Variants in EXT2 observed in about 807,000 individuals in gnomAD.
EXT2 encodes exostosin-2.
A neutral mutation model predicts 81.6 loss-of-function variants in EXT2; 53 were observed. That is an observed-to-expected ratio of 0.65 (90% confidence interval 0.52 to 0.82). The LOEUF is 0.82. EXT2 is among the 40% of genes least tolerant of loss of function. EXT2 has a pLI of 0.00. For synonymous variants in EXT2, 320 were observed against 340.0 expected (o/e 0.94, Z 0.65); for missense variants, 774 against 910.2 (o/e 0.85, Z 1.93).
chr11:44,151,467 A>C (rs1224536711), intron 7 of EXT2, among the ~76,000 whole-genome samples: 1 of 152,116 alleles, frequency 6.6e-6, no homozygotes, highest in Non-Finnish European at 1.5e-5. Context: ...TATAGTTGAA[A>C]TTATATAGTA....
chr11:44,228,538 C>T (rs924537180), intron 10 of EXT2, among the ~76,000 whole-genome samples: 6 of 152,192 alleles, frequency 3.9e-5, no homozygotes, highest in African/African-American at 1.4e-4. Context: ...TTCTGTTTCA[C>T]TCCGTTTTGA....
chr11:44,098,479 G>A (rs546691672), intron 1 of EXT2, among the ~76,000 whole-genome samples: 1 of 152,098 alleles, frequency 6.6e-6, no homozygotes, highest in Admixed American at 6.5e-5. Context: ...GATTACCTGA[G>A]GTCAGGAGTT....
At position 44,250,284 on chromosome 11, in the gene EXT2, CT is replaced by C. The variant is rs1341169233; in HGVS notation, c.*5999del. ...TAAATGAGGATTCCATTAACCCCAT[CT>C]TCTCCAATGTATGGAGGATGCAAGA... On this transcript the variant is annotated 3_prime_UTR_variant, in exon 14 of 14. Coordinates refer to ENST00000533608, the MANE Select transcript of EXT2 (RefSeq NM_207122.2). 6.6e-6 allele frequency among the ~76,000 whole-genome samples: 1 copy of C among 152,212 alleles called. No individual in the cohort carries two copies. The highest frequency in any genetic ancestry group is 2.4e-5 in the African/African-American group (1 of 41,438).
Position 44,247,040 on chromosome 11 carries a change from C to A in EXT2, c.*2753C>A, listed in dbSNP as rs745484554. On this transcript the variant is annotated 3_prime_UTR_variant, in exon 14 of 14. Coordinates refer to ENST00000533608, the MANE Select transcript of EXT2 (RefSeq NM_207122.2). Reference sequence around the variant, plus strand: ...CCCCAGGGGCCTAACTGGGATGGGCCTGCTTGGAATGCCAGGGCTGGAAAT... The same window carrying A: ...CCCCAGGGGCCTAACTGGGATGGGCATGCTTGGAATGCCAGGGCTGGAAAT... 6.6e-6 allele frequency among the ~76,000 whole-genome samples: 1 copy of A among 152,252 alleles called. No homozygotes were observed. Among genetic ancestry groups the A allele is most frequent in the Non-Finnish European group, 1.5e-5 (1 of 68,052 alleles).
chr11:44,139,752 G>A (rs181359321), intron 7 of EXT2, among the ~76,000 whole-genome samples: 31 of 152,272 alleles, frequency 2.0e-4, no homozygotes, highest in Non-Finnish European at 2.5e-4. Context: ...CAGTGTGAGC[G>A]GCTGGTTTCC....
chr11:44,218,733 A>T (rs759641298), intron 10 of EXT2, among the ~76,000 whole-genome samples: 16,199 of 151,708 alleles, frequency 0.11, 986 homozygotes, highest in Middle Eastern at 0.18. Context: ...AGAATTAGTA[A>T]AACTTATGGC....
At chr11:44,183,467 AG>A (rs1483548217) in intron 8 of EXT2, among the ~76,000 whole-genome samples, 1 of 152,178 alleles carries the variant, frequency 6.6e-6, no homozygotes, top group East Asian at 1.9e-4. Flanking sequence ...TTGAGTTTAA[AG>A]GTTCTTCTTT....
chr11:44,173,192 C>T (rs1955101682), intron 8 of EXT2, among the ~76,000 whole-genome samples: 1 of 152,206 alleles, frequency 6.6e-6, no homozygotes, highest in Admixed American at 6.5e-5. Flanking sequence ...CTCACTGGGA[C>T]ACCTCCTGAA....
At chr11:44,237,577 G>C (rs1236641179) in intron 13 of EXT2, among the ~76,000 whole-genome samples, 1 of 152,050 alleles carries the variant, frequency 6.6e-6, no homozygotes, top group Non-Finnish European at 1.5e-5. Context: ...CCCATTGTCT[G>C]TGGTTGGGGA....
chr11:44,232,353 G>T lies in EXT2; in HGVS notation c.1663G>T (p.Val555Phe). The change falls in exon 11 of 14, where the codon GTC becomes TTC. Residue 555 changes from valine (V) to phenylalanine (F), a missense_variant and splice_region_variant. Val to Phe is a conservative substitution (Grantham distance 50). This residue lies in a region of EXT2 where 148 missense variants were observed against 239.7 expected (regional missense o/e 0.62). Transcript: ENST00000533608. Reference protein sequence around the residue: ...TSDELQFGYEVWREFPDRLVG... With the variant: ...TSDELQFGYEFWREFPDRLVG... ...ATTGTTATTATGTGTCTGTCCTTAGGTCTGGCGGGAATTTCCTGACCGGTT... is the reference window on the plus strand; with the variant it reads ...ATTGTTATTATGTGTCTGTCCTTAGTTCTGGCGGGAATTTCCTGACCGGTT... 1 of 1,613,868 alleles carries T rather than the reference G, an allele frequency of 6.2e-7. No homozygotes were observed. The highest frequency in any genetic ancestry group is 8.5e-7 in the Non-Finnish European group (1 of 1,179,920).
Position 44,144,142 on chromosome 11 carries a change from C to T in EXT2, c.1173+14004C>T, listed in dbSNP as rs541520583. 144 of 939,810 alleles carry T rather than the reference C, an allele frequency of 1.5e-4. No homozygotes were observed. In the East Asian group the frequency reaches 3.3e-3, roughly 22 times the overall value. 58.2% of individuals were successfully genotyped at this position (939,810 alleles called of 1,614,324 possible). On this transcript the variant is annotated intron_variant, in intron 7 of 13. Coordinates refer to ENST00000533608, the MANE Select transcript of EXT2 (RefSeq NM_207122.2). ...TTTTAGCATAGCAAACATGGAAAAT[C>T]TCGCCCCAGGCAGATTCCTTTATAG...
chr11:44,124,954 C>G lies in EXT2; in HGVS notation c.909C>G (p.His303Gln). 1 of 1,613,474 alleles carries G rather than the reference C, an allele frequency of 6.2e-7. No individual in the cohort carries two copies. The highest frequency in any genetic ancestry group is 1.1e-5 in the South Asian group (1 of 91,052). The change falls in exon 5 of 14, where the codon CAC (histidine) becomes CAG (glutamine). Residue 303 changes from histidine to glutamine, a missense_variant. Physicochemically the swap from His to Gln is conservative, Grantham distance 24. Transcript: ENST00000533608. Reference protein sequence around the residue: ...VLSVRKRCHKHQVFDYPQVLQ... With the variant: ...VLSVRKRCHKQQVFDYPQVLQ... ...CTGTCCGTAAGCGCTGCCACAAGCA[C>G]CAGGTCTTCGATTACCCACAGGTGC...
At chr11:44,181,407 G>A (rs1955234580) in intron 8 of EXT2, among the ~76,000 whole-genome samples, 1 of 152,058 alleles carries the variant, frequency 6.6e-6, no homozygotes, top group Non-Finnish European at 1.5e-5. Context: ...AAATCCATGT[G>A]CTTCAGTTGT....
At chr11:44,238,513 A>C (rs867736146) in intron 13 of EXT2, among the ~76,000 whole-genome samples, 7 of 152,180 alleles carry the variant, frequency 4.6e-5, no homozygotes, top group Admixed American at 1.3e-4. Flanking sequence ...GGAGATGCTG[A>C]TGGAGGGATT....
chr11:44,244,509 C>T lies in EXT2; in HGVS notation c.*222C>T, dbSNP rs968634217. ...TCTGTTCTTGTATTTCTTATGATCTCTGATGGGTTCTTCTCGAAAATGCCA... is the reference window on the plus strand; with the variant it reads ...TCTGTTCTTGTATTTCTTATGATCTTTGATGGGTTCTTCTCGAAAATGCCA... On this transcript the variant is annotated 3_prime_UTR_variant, in exon 14 of 14. Coordinates refer to ENST00000533608, the MANE Select transcript of EXT2 (RefSeq NM_207122.2). The T allele has an allele frequency of 3.6e-6, 2 of 551,860 alleles. No individual in the cohort carries two copies. The highest frequency in any genetic ancestry group is 3.8e-5 in the African/African-American group (2 of 53,118). 34.2% of individuals were successfully genotyped at this position (551,860 alleles called of 1,614,324 possible).
In EXT2 at chr11:44,245,519, C is replaced by T. The variant is rs907869951; in HGVS notation, c.*1232C>T. ...TGTTATGGATTCGAAACAGATTTAT[C>T]TGGCTCTGATATTAAGATTAGCCAC... On this transcript the variant is annotated 3_prime_UTR_variant, in exon 14 of 14. Transcript: ENST00000533608. 2.3e-5 allele frequency: 4 copies of T among 177,734 alleles called. No individual in the cohort carries two copies. The highest frequency in any genetic ancestry group is 9.5e-5 in the African/African-American group (4 of 42,262). 11.0% of individuals were successfully genotyped at this position (177,734 alleles called of 1,614,324 possible).
Position 44,124,925 on chromosome 11 carries a change from CT to C in EXT2, c.883del (p.Ser295LeufsTer37). On this transcript the variant is annotated frameshift_variant, in exon 5 of 14. Transcript: ENST00000533608. LOFTEE classifies it high-confidence loss of function. The stretch of plus-strand genomic sequence containing the variant: ...ATGCACCAACCTCTCAGAGGGTGTC[CT>C]TTCTGTCCGTAAGCGCTGCCACAAG... ...DKCTNLSEGV[L>X]SVRKRCHKHQ... 6.2e-7 allele frequency: 1 copy of C among 1,613,976 alleles called. No homozygotes were observed. The highest frequency in any genetic ancestry group is 8.5e-7 in the Non-Finnish European group (1 of 1,180,018).
chr11:44,207,559 G>A (rs892021438), intron 10 of EXT2, among the ~76,000 whole-genome samples: 7 of 152,312 alleles, frequency 4.6e-5, no homozygotes, highest in South Asian at 4.1e-4. Flanking sequence ...GAATTGATGG[G>A]CCCTGTCAGG....
At chr11:44,240,597 T>G (rs1472520218) in intron 13 of EXT2, among the ~76,000 whole-genome samples, 1 of 152,094 alleles carries the variant, frequency 6.6e-6, no homozygotes, top group South Asian at 2.1e-4. Flanking sequence ...TGTCATAGAG[T>G]ATGAAGCCAA....
Sources: allele counts gnomAD v4.1 joint callset (sites outside exome capture counted in the v4.1 genomes callset), GRCh38; gene constraint gnomAD v4.1.1; regional missense constraint gnomAD v4.1.1; transcripts MANE v1.5; gene names NCBI Gene and HGNC (gene_info 2026-07-23, HGNC 2026-07-21).